The following OPRL1 variants were observed in gnomAD, a reference collection of about 807,000 sequenced individuals.
The protein encoded by OPRL1 is opioid related nociceptin receptor 1.
Under a neutral mutation model 15.5 loss-of-function variants are expected in OPRL1, and 5 were observed. The observed-to-expected ratio is 0.32, with a 90% CI of 0.17 to 0.68. OPRL1 has a LOEUF of 0.68. OPRL1 is among the 30% of genes least tolerant of loss of function. The probability of loss-of-function intolerance (pLI) is 0.72; values close to 1 mark genes in which losing one functional copy is unlikely to be tolerated. For synonymous variants in OPRL1, 223 were observed against 230.2 expected, an observed-to-expected ratio of 0.97 and a Z score of 0.28; for missense variants, 406 against 515.3, an observed-to-expected ratio of 0.79 and a Z score of 2.05.
chr20:64,100,265 T>C lies in OPRL1; in HGVS notation c.*1466T>C, dbSNP rs960362870. ...AGACCTGCAACATTGAAAAAACTCA[T>C]TTTTTCCACCAAAACCTTGGCCAGG... On this transcript the variant is annotated 3_prime_UTR_variant, in exon 5 of 5. Transcript: ENST00000336866. 6.6e-6 allele frequency: 1 copy of C among 151,430 alleles called. No homozygotes were observed. Among genetic ancestry groups the C allele is most frequent in the Non-Finnish European group, 1.5e-5 (1 of 68,014 alleles). 9.4% of individuals were successfully genotyped at this position (151,430 alleles called of 1,614,324 possible).
chr20:64,095,855 G>C (rs1208501908), intron 3 of OPRL1, among the ~76,000 whole-genome samples: 2 of 152,054 alleles, frequency 1.3e-5, no homozygotes, highest in African/African-American at 2.4e-5. Flanking sequence ...TAGTGTCCCT[G>C]AGAAAAGCTG....
intron 3 of OPRL1, among the ~76,000 whole-genome samples, chr20:64,095,817 A>G (rs1222737495): frequency 6.6e-6 from 1 of 152,030 alleles, no homozygotes. Context: ...GGGGTGTTCA[A>G]GCTGCCACCA....
chr20:64,098,142 C>A lies in OPRL1; in HGVS notation c.574C>A (p.Gln192Lys). ...TCCCGTTGCCATCATGGGCTCGGCA[C>A]AGGTCGAGGATGAAGGTCAGTGGGG... ...GVPVAIMGSAQVEDEEIECLV... is the reference protein window; with the variant it reads ...GVPVAIMGSAKVEDEEIECLV... Residue 192 changes from glutamine (Q) to lysine (K), a missense_variant, in exon 4 of 5, where the codon CAG becomes AAG. Coordinates refer to ENST00000336866, the MANE Select transcript of OPRL1 (RefSeq NM_182647.4). 1.2e-6 allele frequency: 2 copies of A among 1,613,132 alleles called. No individual in the cohort carries two copies. Among genetic ancestry groups the A allele is most frequent in the Non-Finnish European group, 1.7e-6 (2 of 1,179,938 alleles).
chr20:64,098,200 T>TC, intron 4 of OPRL1, 43 bp downstream of exon 4: 1 of 1,604,648 alleles, frequency 6.2e-7, no homozygotes, highest in South Asian at 1.1e-5. Context: ...GCTCCCTGGC[T>TC]CCCGGGTGGC....
At chr20:64,088,696 A>ATCTGTGCAGAGT (rs2060083039) in intron 1 of OPRL1, among the ~76,000 whole-genome samples, 25 of 43,960 alleles carry the variant, frequency 5.7e-4, no homozygotes, top group Admixed American at 1.2e-3. Flanking sequence ...CTGTGCAGGG[A>ATCTGTGCAGAGT]GGCCAGGGTC....
In OPRL1 at chr20:64,097,844, C is replaced by T; in HGVS notation, c.276C>T (p.Asn92=). ...CAGCCACCAATATTTACATCTTTAA[C>T]CTGGCCCTGGCCGACACTCTGGTCC... ...MKTATNIYIF[N]LALADTLVLL... The change falls in exon 4 of 5, where the codon AAC becomes AAT. Residue 92 remains asparagine, a synonymous_variant. Transcript: ENST00000336866. This position sits in a 1 kb window ranked among gnomAD's most constrained non-coding sequence, Gnocchi z 4.2. The T allele has an allele frequency of 1.2e-6, 2 of 1,613,598 alleles. No homozygotes were observed. The highest frequency in any genetic ancestry group is 1.1e-5 in the South Asian group (1 of 91,088).
In OPRL1 at chr20:64,083,730, C is replaced by A; in HGVS notation, c.-185+3378C>A. The stretch of plus-strand genomic sequence containing the variant: ...CCTGCGGGGCCCGGGTAGCTGAGCG[C>A]GCGCCGAGCCCCGCCCCGCCCCGCC... On this transcript the variant is annotated intron_variant, in intron 1 of 4. Coordinates refer to ENST00000336866, the MANE Select transcript of OPRL1 (RefSeq NM_182647.4). The surrounding 1 kb of genome is among the most constrained non-coding windows in gnomAD (Gnocchi z 4.9). 7.4e-7 allele frequency: 1 copy of A among 1,351,594 alleles called. No homozygotes were observed. Among genetic ancestry groups the A allele is most frequent in the Non-Finnish European group, 9.4e-7 (1 of 1,059,266 alleles). 83.7% of individuals were successfully genotyped at this position (1,351,594 alleles called of 1,614,324 possible). A position where few individuals can be genotyped will look rare whatever the true frequency, so the allele number is the denominator to read the frequency against.
intron 1 of OPRL1, chr20:64,086,651 C>T: frequency 5.1e-6 from 1 of 195,124 alleles, no homozygotes; most frequent in South Asian, 6.9e-5. Flanking sequence ...GAAGCTACAA[C>T]TCAATTTTTT....
In OPRL1 at chr20:64,098,858, C is replaced by T; in HGVS notation, c.*59C>T. 1 of 1,531,470 alleles carries T rather than the reference C, an allele frequency of 6.5e-7. No homozygotes were observed. The highest frequency in any genetic ancestry group is 2.2e-4 in the Middle Eastern group (1 of 4,588). 94.9% of individuals were successfully genotyped at this position (1,531,470 alleles called of 1,614,324 possible). On this transcript the variant is annotated 3_prime_UTR_variant, in exon 5 of 5. Transcript: ENST00000336866. Reference sequence around the variant, plus strand: ...CCGCAGAGCCCATCTACGCCCAACACAGAGCTCACACAGGTCACTGCTCTC... The same window carrying T: ...CCGCAGAGCCCATCTACGCCCAACATAGAGCTCACACAGGTCACTGCTCTC...
chr20:64,083,364 G>A lies in OPRL1; in HGVS notation c.-185+3012G>A, dbSNP rs1391208023. 1 of 1,605,626 alleles carries A rather than the reference G, an allele frequency of 6.2e-7. No individual in the cohort carries two copies. Among genetic ancestry groups the A allele is most frequent in the South Asian group, 1.1e-5 (1 of 90,504 alleles). ...GGGTCCTGGGGAGTGGCAGCAAAAAGACCAGCGAGCCTTCGGAGAATTATA... is the reference window on the plus strand; with the variant it reads ...GGGTCCTGGGGAGTGGCAGCAAAAAAACCAGCGAGCCTTCGGAGAATTATA... On this transcript the variant is annotated intron_variant, in intron 1 of 4. Transcript: ENST00000336866. This position sits in a 1 kb window ranked among gnomAD's most constrained non-coding sequence, Gnocchi z 4.9.
rs746845408 is a variant in OPRL1 at position 64,092,712 on chromosome 20, G to A, written c.-9G>A. The A allele has an allele frequency of 1.6e-5, 25 of 1,610,314 alleles. No individual in the cohort carries two copies. The highest frequency in any genetic ancestry group is 2.0e-5 in the Non-Finnish European group (23 of 1,178,588). ...GGTACCGTACAGAGTGGATTTGCAG[G>A]GCAGTGGCATGGAGCCCCTCTTCCC... is the stretch of plus-strand genomic sequence containing the variant. On this transcript the variant is annotated 5_prime_UTR_variant, in exon 3 of 5. Coordinates refer to ENST00000336866, the MANE Select transcript of OPRL1 (RefSeq NM_182647.4).
chr20:64,084,301 C>CA, intron 1 of OPRL1: 1 of 1,299,124 alleles, frequency 7.7e-7, no homozygotes, highest in Admixed American at 4.2e-5. Context: ...GGCAGGGCCC[C>CA]AACGTGCGCC....
chr20:64,091,397 G>A (rs1011341270), intron 1 of OPRL1, among the ~76,000 whole-genome samples: 3 of 152,194 alleles, frequency 2.0e-5, no homozygotes, highest in African/African-American at 7.2e-5. Flanking sequence ...GTTTCACCCC[G>A]TCTCTGCCAC....
Position 64,099,072 on chromosome 20 carries a change from C to T in OPRL1, c.*273C>T, listed in dbSNP as rs1601660549. 4 of 464,028 alleles carry T rather than the reference C, an allele frequency of 8.6e-6. No individual in the cohort carries two copies. The East Asian group carries it at 1.3e-4, about 16-fold the overall frequency. 28.7% of individuals were successfully genotyped at this position (464,028 alleles called of 1,614,324 possible). A position where few individuals can be genotyped will look rare whatever the true frequency, so the allele number is the denominator to read the frequency against. ...GTGCAGGGCCGAGGGGACACAAGGA[C>T]CTACCTGGAAGCAGCTGACATGCTG... On this transcript the variant is annotated 3_prime_UTR_variant, in exon 5 of 5. Transcript: ENST00000336866.
intron 1 of OPRL1, among the ~76,000 whole-genome samples, chr20:64,087,036 C>T (rs536169339): frequency 6.6e-6 from 1 of 152,350 alleles, no homozygotes; most frequent in East Asian, 1.9e-4. Flanking sequence ...CACCCCGGAA[C>T]CCAGGCCTGC....
intron 1 of OPRL1, among the ~76,000 whole-genome samples, chr20:64,091,503 T>A (rs1438356769): frequency 6.6e-6 from 1 of 152,234 alleles, no homozygotes; most frequent in African/African-American, 2.4e-5. Context: ...CAGCAGGTGC[T>A]GGGCCAGTGC....
chr20:64,082,966 C>A (rs2059984710), intron 1 of OPRL1, among the ~76,000 whole-genome samples: 1 of 152,156 alleles, frequency 6.6e-6, no homozygotes, highest in Non-Finnish European at 1.5e-5. Flanking sequence ...TTGGGCACAG[C>A]TGCTGCTTCT....
At chr20:64,093,097 G>A (rs147164184) in intron 3 of OPRL1, 144 bp downstream of exon 3, 7 of 783,200 alleles carry the variant, frequency 8.9e-6, no homozygotes, top group Non-Finnish European at 1.2e-5. Context: ...TGTCCAGGAG[G>A]CAGGGTCAGT....
rs1979344444 is a variant in OPRL1, at chr20:64,097,736, T to C, written c.234-66T>C. On this transcript the variant is annotated intron_variant, in intron 3 of 4. Transcript: ENST00000336866. This position sits in a 1 kb window ranked among gnomAD's most constrained non-coding sequence, Gnocchi z 4.2. ...CTTGTGGTGGCCAAGAGGAGCCCCTTGCCCTTTGCTGCCTGGTCCAGCCAG... is the reference window on the plus strand; with the variant it reads ...CTTGTGGTGGCCAAGAGGAGCCCCTCGCCCTTTGCTGCCTGGTCCAGCCAG... 22 of 1,420,248 alleles carry C rather than the reference T, an allele frequency of 1.5e-5. 1 individual carries two copies. In the South Asian group the frequency reaches 2.8e-4, roughly 18 times the overall value. The allele number at this position is 1,420,248 out of a possible 1,614,324, so 88.0% of individuals were successfully genotyped here.
Sources: gnomAD v4.1 joint callset for allele counts (sites outside exome capture counted in the v4.1 genomes callset) on GRCh38, gnomAD v4.1.1 for gene constraint, Gnocchi (gnomAD v3.1) non-coding constraint, MANE v1.5 for transcripts, NCBI Gene and HGNC (gene_info 2026-07-23, HGNC 2026-07-21) for gene names.